DIS3L2: variants seen among roughly 807,000 people sequenced by gnomAD.
DIS3L2 encodes the protein DIS3 like 3'-5' exoribonuclease 2.
Under a neutral mutation model 97.5 loss-of-function variants are expected in DIS3L2, and 34 were observed. The observed-to-expected ratio is 0.35, with a 90% CI of 0.27 to 0.46. DIS3L2 has a LOEUF of 0.46. DIS3L2 is among the 20% of genes least tolerant of loss of function. The pLI, the probability that DIS3L2 is intolerant of heterozygous loss-of-function variation, is 1.00. For missense variants in DIS3L2, 1,038 were observed against 1,146.0 expected (o/e 0.91, Z 1.36); for synonymous variants, 435 against 445.2 (o/e 0.98, Z 0.29).
intron 14 of DIS3L2, among the ~76,000 whole-genome samples, chr2:232,316,486 A>G (rs1458569363): frequency 6.6e-6 from 1 of 152,056 alleles, no homozygotes; most frequent in Non-Finnish European, 1.5e-5. Flanking sequence ...GAGAACCTGT[A>G]GCACCCTCTC....
In DIS3L2 at chr2:232,106,278, CT is replaced by C. The variant is rs532563459; in HGVS notation, c.601+18558del. Among the ~76,000 whole-genome samples, 717 of 152,292 alleles carry C rather than the reference CT, an allele frequency of 4.7e-3. 7 individuals carry two copies. Among genetic ancestry groups the C allele is most frequent in the Middle Eastern group, 0.017 (5 of 294 alleles). On this transcript the variant is annotated intron_variant, in intron 6 of 20. Transcript: ENST00000325385. ...CTTGTTGACATGTGATACTCTACCC[CT>C]AATGGCTCTTAGTGGGGCACTTTAT...
chr2:232,336,159 A>AT lies in DIS3L2; in HGVS notation c.2496+286dup, dbSNP rs1286641299. On this transcript the variant is annotated intron_variant, in intron 20 of 20. Coordinates refer to ENST00000325385, the MANE Select transcript of DIS3L2 (RefSeq NM_152383.5). Reference sequence around the variant, plus strand: ...CTTCTAGGGTCCTTTAGAGAACCTGATGAAAGCTATGAGTTTACACCCAAG... The same window carrying AT: ...CTTCTAGGGTCCTTTAGAGAACCTGATTGAAAGCTATGAGTTTACACCCAAG... The AT allele has an allele frequency of 5.9e-6, 9 of 1,533,128 alleles. No homozygotes were observed. In the African/African-American group the frequency reaches 6.9e-5, roughly 12 times the overall value. 95.0% of individuals were successfully genotyped at this position (1,533,128 alleles called of 1,614,324 possible). A position where few individuals can be genotyped will look rare whatever the true frequency, so the allele number is the denominator to read the frequency against.
At chr2:232,331,619 C>T (rs539035688) in intron 16 of DIS3L2, 168 of 152,318 alleles carry the variant, frequency 1.1e-3, no homozygotes, top group African/African-American at 3.5e-3. Flanking sequence ...GCACCCACAG[C>T]GGAGAGGGGC....
At chr2:232,096,288 G>A (rs745354173) in intron 6 of DIS3L2, among the ~76,000 whole-genome samples, 25 of 150,664 alleles carry the variant, frequency 1.7e-4, no homozygotes, top group Non-Finnish European at 3.2e-4. Flanking sequence ...GGGTTTCACC[G>A]TGTTAGCCAG....
rs1006442 is a variant in DIS3L2, at chr2:232,292,250, C to T, written c.1660-7790C>T. On this transcript the variant is annotated intron_variant, in intron 13 of 20. Coordinates refer to ENST00000325385, the MANE Select transcript of DIS3L2 (RefSeq NM_152383.5). This position sits in a 1 kb window ranked among gnomAD's most constrained non-coding sequence, Gnocchi z 4.4. ...CAGTGGACACCCCTCCTTCTGCTTA[C>T]CTAGGACATTGTTTCTGCCCCTAAG... Among the ~76,000 whole-genome samples, 1,013 of 152,284 alleles carry T rather than the reference C, an allele frequency of 6.7e-3. 19 individuals are homozygous for T. The highest frequency in any genetic ancestry group is 0.023 in the African/African-American group (958 of 41,552).
chr2:232,290,292 G>A (rs1419518687), intron 13 of DIS3L2, among the ~76,000 whole-genome samples: 9 of 152,228 alleles, frequency 5.9e-5, no homozygotes, highest in Non-Finnish European at 1.2e-4. Context: ...GCACGTGAGA[G>A]GCAAGAACAT....
At chr2:232,214,837 C>T (rs1692289068) in intron 10 of DIS3L2, among the ~76,000 whole-genome samples, 1 of 152,202 alleles carries the variant, frequency 6.6e-6, no homozygotes, top group Non-Finnish European at 1.5e-5. Context: ...GATTCAGGCT[C>T]CCAGCAGATC....
chr2:232,213,474 G>T (rs538562093), intron 10 of DIS3L2, among the ~76,000 whole-genome samples: 1 of 152,254 alleles, frequency 6.6e-6, no homozygotes, highest in East Asian at 1.9e-4. Context: ...TGTGACAACA[G>T]TTTCTGCCAG....
At chr2:232,088,172 G>A (rs1011690599) in intron 6 of DIS3L2, among the ~76,000 whole-genome samples, 2 of 151,968 alleles carry the variant, frequency 1.3e-5, no homozygotes, top group South Asian at 4.1e-4. Context: ...AGGCCGAGGC[G>A]GGCGGATCAC....
At chr2:232,075,691 C>T (rs943371653) in intron 5 of DIS3L2, among the ~76,000 whole-genome samples, 49 of 152,262 alleles carry the variant, frequency 3.2e-4, no homozygotes, top group Non-Finnish European at 1.9e-4. Flanking sequence ...TATGTAACTG[C>T]TCCTAATTTT....
In DIS3L2 at chr2:232,333,206, T is replaced by G. The variant is rs1331218345; in HGVS notation, c.2011-634T>G. 3.1e-4 allele frequency among the ~76,000 whole-genome samples: 18 copies of G among 57,820 alleles called. 1 individual carries two copies. Among genetic ancestry groups the G allele is most frequent in the African/African-American group, 1.8e-3 (14 of 7,690 alleles). The allele number at this position is 57,820 out of a possible 152,430, so 37.9% of individuals were successfully genotyped here. On this transcript the variant is annotated intron_variant, in intron 16 of 20. Coordinates refer to ENST00000325385, the MANE Select transcript of DIS3L2 (RefSeq NM_152383.5). ...CTCCTCCTCCTCCTCCTCCTCCTCC[T>G]CCTCCTCCTCCTCCGCTGTCGCCTC...
intron 6 of DIS3L2, among the ~76,000 whole-genome samples, chr2:232,114,460 G>A (rs1434931791): frequency 6.6e-6 from 1 of 152,126 alleles, no homozygotes; most frequent in Non-Finnish European, 1.5e-5. Context: ...AAGACCAAGG[G>A]TAAGAAGGAC....
chr2:232,315,384 G>A (rs1195749761), intron 14 of DIS3L2, among the ~76,000 whole-genome samples: 1 of 152,214 alleles, frequency 6.6e-6, no homozygotes, highest in Non-Finnish European at 1.5e-5. Context: ...AAAGAAACAG[G>A]TCATAGGACT....
At chr2:232,280,482 A>G (rs539961493) in intron 13 of DIS3L2, among the ~76,000 whole-genome samples, 37 of 152,262 alleles carry the variant, frequency 2.4e-4, no homozygotes, top group Non-Finnish European at 1.5e-5. Flanking sequence ...TGCCGATTAC[A>G]TGTGAACACC....
chr2:232,164,924 A>G (rs1291387830), intron 9 of DIS3L2, among the ~76,000 whole-genome samples: 1 of 152,186 alleles, frequency 6.6e-6, no homozygotes, highest in Non-Finnish European at 1.5e-5. Context: ...CATTTCCTGA[A>G]TCTAGGAATC....
At chr2:232,284,848 A>G (rs188372407) in intron 13 of DIS3L2, among the ~76,000 whole-genome samples, 28 of 152,250 alleles carry the variant, frequency 1.8e-4, no homozygotes, top group African/African-American at 4.3e-4. Flanking sequence ...ATCTTTGCCA[A>G]CCTTTATCCT....
intron 1 of DIS3L2, among the ~76,000 whole-genome samples, chr2:231,977,189 G>C (rs1693123839): frequency 6.6e-6 from 1 of 152,150 alleles, no homozygotes; most frequent in South Asian, 2.1e-4. Flanking sequence ...TATAGCTTTT[G>C]CACCATTGTA....
chr2:232,099,015 T>C (rs981868319), intron 6 of DIS3L2, among the ~76,000 whole-genome samples: 1 of 152,206 alleles, frequency 6.6e-6, no homozygotes, highest in East Asian at 1.9e-4. Flanking sequence ...GGCAAATCTT[T>C]TGTTAAGTTT....
At chr2:232,227,260 T>C (rs1402584703) in intron 10 of DIS3L2, among the ~76,000 whole-genome samples, 1 of 152,166 alleles carries the variant, frequency 6.6e-6, no homozygotes, top group East Asian at 1.9e-4. Flanking sequence ...TCTACAGGTG[T>C]TGAAAAAGAA....
Sources: gnomAD v4.1 joint callset for allele counts (sites outside exome capture counted in the v4.1 genomes callset) on GRCh38, gnomAD v4.1.1 for gene constraint, Gnocchi (gnomAD v3.1) non-coding constraint, MANE v1.5 for transcripts, NCBI Gene and HGNC (gene_info 2026-07-23, HGNC 2026-07-21) for gene names.